The following PREX2 variants were observed in gnomAD, a reference collection of about 807,000 sequenced individuals.
PREX2 encodes the protein phosphatidylinositol-3,4,5-trisphosphate dependent Rac exchange factor 2.
In PREX2, 107 loss-of-function variants were observed where a neutral mutation model predicts 203.2. The observed-to-expected ratio is 0.53, with a 90% CI of 0.45 to 0.62. The LOEUF is 0.62. Among genes scored for constraint, PREX2 ranks in the 20% least tolerant of loss-of-function variants. The pLI is 0.00. For synonymous variants in PREX2, 672 were observed against 663.6 expected, an observed-to-expected ratio of 1.01 and a Z score of -0.19; for missense variants, 1,777 against 1,955.9, an observed-to-expected ratio of 0.91 and a Z score of 1.72.
chr8:67,998,936 T>C (rs2129609684), intron 1 of PREX2, among the ~76,000 whole-genome samples: 1 of 152,332 alleles, frequency 6.6e-6, no homozygotes, highest in African/African-American at 2.4e-5. Context: ...CTTTCTGGAA[T>C]TTATTTCCTT....
At chr8:67,977,480 A>G (rs938040475) in intron 1 of PREX2, among the ~76,000 whole-genome samples, 10 of 152,148 alleles carry the variant, frequency 6.6e-5, no homozygotes, top group African/African-American at 2.4e-4. Context: ...TTTTTTTCTT[A>G]TAATAACATA....
At chr8:68,111,803 A>C (rs1466109312) in intron 25 of PREX2, among the ~76,000 whole-genome samples, 1 of 152,208 alleles carries the variant, frequency 6.6e-6, no homozygotes, top group Admixed American at 6.5e-5. Context: ...AGATGCTGCC[A>C]TGCAGTCGAG....
At chr8:67,964,435 G>A (rs1423469101) in intron 1 of PREX2, among the ~76,000 whole-genome samples, 1 of 152,188 alleles carries the variant, frequency 6.6e-6, no homozygotes, top group East Asian at 1.9e-4. Context: ...TGATACTTTA[G>A]TCTCCTGTCC....
At chr8:68,016,430 C>G (rs1306305979) in intron 1 of PREX2, among the ~76,000 whole-genome samples, 4 of 151,998 alleles carry the variant, frequency 2.6e-5, no homozygotes, top group African/African-American at 9.7e-5. Context: ...TGCACTTTTG[C>G]TATAGTAGTC....
At chr8:68,221,224 A>G (rs1186270609) in intron 38 of PREX2, among the ~76,000 whole-genome samples, 2 of 152,188 alleles carry the variant, frequency 1.3e-5, no homozygotes, top group Non-Finnish European at 1.5e-5. Flanking sequence ...ATAATATTCC[A>G]TGGTGTATAT....
chr8:68,066,354 G>A (rs898632924), intron 11 of PREX2, among the ~76,000 whole-genome samples: 2 of 151,976 alleles, frequency 1.3e-5, no homozygotes, highest in Non-Finnish European at 2.9e-5. Flanking sequence ...GTGTACAAGG[G>A]TTTCCTTTTC....
intron 35 of PREX2, among the ~76,000 whole-genome samples, chr8:68,160,326 A>G (rs954103414): frequency 1.3e-5 from 2 of 152,176 alleles, no homozygotes; most frequent in Non-Finnish European, 2.9e-5. Flanking sequence ...CAAATGACTT[A>G]AAATCATCAT....
intron 1 of PREX2, among the ~76,000 whole-genome samples, chr8:67,996,279 T>C (rs894247203): frequency 6.6e-6 from 1 of 152,136 alleles, no homozygotes; most frequent in African/African-American, 2.4e-5. Context: ...CACTGCAGCC[T>C]CAACCTCCCA....
intron 33 of PREX2, among the ~76,000 whole-genome samples, chr8:68,139,646 G>A (rs1811186562): frequency 6.6e-6 from 1 of 152,166 alleles, no homozygotes; most frequent in South Asian, 2.1e-4. Flanking sequence ...CTCCCAGGTG[G>A]GAGAGGATGG....
chr8:68,129,801 C>A (rs17447811), intron 31 of PREX2, among the ~76,000 whole-genome samples: 12,537 of 151,598 alleles, frequency 0.083, 640 homozygotes, highest in Non-Finnish European at 0.12. Flanking sequence ...AAAACCATTT[C>A]TTTTGAGTGT....
intron 1 of PREX2, among the ~76,000 whole-genome samples, chr8:67,954,223 A>C (rs866762847): frequency 5.9e-5 from 9 of 152,168 alleles, no homozygotes; most frequent in African/African-American, 2.2e-4. Context: ...ATTTCTTTTT[A>C]TCTCTTTCAG....
At chr8:68,039,780 C>T (rs1339437778) in intron 7 of PREX2, among the ~76,000 whole-genome samples, 2 of 152,160 alleles carry the variant, frequency 1.3e-5, no homozygotes, top group Non-Finnish European at 2.9e-5. Flanking sequence ...AATCTTCCTG[C>T]ATCTGCATTG....
chr8:68,094,713 A>G (rs1238151973), intron 21 of PREX2, among the ~76,000 whole-genome samples: 3 of 152,196 alleles, frequency 2.0e-5, no homozygotes, highest in African/African-American at 7.2e-5. Context: ...GACATCCTGT[A>G]TGTGTGGGGT....
At chr8:68,199,137 T>C (rs1169389967) in intron 37 of PREX2, among the ~76,000 whole-genome samples, 3 of 136,844 alleles carry the variant, frequency 2.2e-5, no homozygotes, top group African/African-American at 5.7e-5. Context: ...TGCATTGGCA[T>C]GGGGGGGTTC....
rs561374813 is a variant in PREX2 at position 68,237,029 on chromosome 8, C to T, written c.*5651C>T. The T allele has an allele frequency of 6.6e-6, 1 of 152,012 alleles. No individual in the cohort carries two copies. Among genetic ancestry groups the T allele is most frequent in the Non-Finnish European group, 1.5e-5 (1 of 67,984 alleles). 9.4% of individuals were successfully genotyped at this position (152,012 alleles called of 1,614,324 possible). On this transcript the variant is annotated 3_prime_UTR_variant, in exon 40 of 40. Coordinates refer to ENST00000288368, the MANE Select transcript of PREX2 (RefSeq NM_024870.4). Reference sequence around the variant, plus strand: ...AATAATAAAGTGAAATGTAGTATGACCAATTCAGCTTCTTTCCATTTAAAC... The same window carrying T: ...AATAATAAAGTGAAATGTAGTATGATCAATTCAGCTTCTTTCCATTTAAAC...
At chr8:68,013,470 T>A (rs1205292990) in intron 1 of PREX2, among the ~76,000 whole-genome samples, 1 of 152,146 alleles carries the variant, frequency 6.6e-6, no homozygotes, top group African/African-American at 2.4e-5. Flanking sequence ...CAGAACAAAC[T>A]CTGATTCTCC....
At chr8:68,182,179 T>C (rs1812098036) in intron 35 of PREX2, among the ~76,000 whole-genome samples, 1 of 152,114 alleles carries the variant, frequency 6.6e-6, no homozygotes, top group South Asian at 2.1e-4. Context: ...GTATATAAGC[T>C]AAGAGTTAAG....
In PREX2 at chr8:68,127,379, G is replaced by A. The variant is rs1405259006; in HGVS notation, c.3726G>A (p.Glu1242=). 3.1e-6 allele frequency: 5 copies of A among 1,603,084 alleles called. No homozygotes were observed. The African/African-American group carries it at 4.0e-5, about 13-fold the overall frequency. ...CTGATGTGTTTTCTTTCTCTGCAGA[G>A]GTAAAGTGTAGGCTACTCCTGGCTC... ...LAQNIRKFVE[E]VKCRLLLALL... is the part of the protein sequence containing the mutation. The change falls in exon 31 of 40, where the codon GAG becomes GAA. Residue 1242 remains glutamate, a splice_region_variant and synonymous_variant. Transcript: ENST00000288368.
At chr8:68,211,386 A>G (rs1305646560) in intron 37 of PREX2, among the ~76,000 whole-genome samples, 1 of 152,234 alleles carries the variant, frequency 6.6e-6, no homozygotes, top group Non-Finnish European at 1.5e-5. Flanking sequence ...CTATAAAAGT[A>G]TAAACCTTTT....
Sources: gnomAD v4.1 joint callset for allele counts (sites outside exome capture counted in the v4.1 genomes callset) on GRCh38, gnomAD v4.1.1 for gene constraint, MANE v1.5 for transcripts, NCBI Gene and HGNC (gene_info 2026-07-23, HGNC 2026-07-21) for gene names.